Variants in MAP2K6 observed in about 807,000 individuals in gnomAD.
MAP2K6 encodes the protein mitogen-activated protein kinase kinase 6.
Under a neutral mutation model 53.7 loss-of-function variants are expected in MAP2K6, and 16 were observed. That is an observed-to-expected ratio of 0.30 (90% CI 0.20 to 0.45). MAP2K6 has a LOEUF of 0.45. Ranked by LOEUF, MAP2K6 falls within the 20% of genes least tolerant of loss-of-function variation. MAP2K6 has a pLI of 1.00. For synonymous variants in MAP2K6, 132 were observed against 143.1 expected (o/e 0.92, Z 0.55); for missense variants, 204 against 411.9 (o/e 0.50, Z 4.37).
chr17:69,502,486 CAG>C lies in MAP2K6; in HGVS notation c.17-3291_17-3290del, dbSNP rs544444581. The stretch of plus-strand genomic sequence containing the variant: ...ATTTTATTTGATGTAAACGTGAAGG[CAG>C]AGTATTTTCTAACACTGTAATTCAA... On this transcript the variant is annotated intron_variant, in intron 1 of 11. Transcript: ENST00000590474. The C allele has an allele frequency of 5.8e-4, 569 of 985,370 alleles. 4 individuals are homozygous for C. The African/African-American group carries it at 9.3e-3, about 16-fold the overall frequency. The allele number at this position is 985,370 out of a possible 1,614,324, so 61.0% of individuals were successfully genotyped here. A position where few individuals can be genotyped will look rare whatever the true frequency, so the allele number is the denominator to read the frequency against.
chr17:69,449,289 A>G (rs1907087196), intron 1 of MAP2K6, among the ~76,000 whole-genome samples: 1 of 151,886 alleles, frequency 6.6e-6, no homozygotes, highest in African/African-American at 2.4e-5. Context: ...TACATATAAT[A>G]TATAGTACAT....
chr17:69,473,470 T>C (rs2145183368), intron 1 of MAP2K6, among the ~76,000 whole-genome samples: 1 of 152,332 alleles, frequency 6.6e-6, no homozygotes. Flanking sequence ...TAATAGCAGT[T>C]TTGCCTGGGT....
At chr17:69,519,283 A>T (rs745318358) in intron 4 of MAP2K6, 30 bp from the exon 5 acceptor site, 2 of 1,608,642 alleles carry the variant, frequency 1.2e-6, no homozygotes, top group South Asian at 2.2e-5. Context: ...CAGAGTAGTA[A>T]CCATAAATTT....
At chr17:69,422,974 C>T (rs543530105) in intron 1 of MAP2K6, among the ~76,000 whole-genome samples, 1 of 152,172 alleles carries the variant, frequency 6.6e-6, no homozygotes, top group Non-Finnish European at 1.5e-5. Context: ...ATCGCCACCT[C>T]CTGGGTTCAA....
At chr17:69,470,911 C>G (rs933360827) in intron 1 of MAP2K6, among the ~76,000 whole-genome samples, 1 of 152,160 alleles carries the variant, frequency 6.6e-6, no homozygotes, top group Non-Finnish European at 1.5e-5. Context: ...TCCCAATGCA[C>G]ACTCCTTTTC....
intron 1 of MAP2K6, chr17:69,502,179 T>G: frequency 1.0e-6 from 1 of 985,480 alleles, no homozygotes; most frequent in Non-Finnish European, 1.2e-6. Flanking sequence ...CCTTCTCCCT[T>G]CCTGAAGCTG....
chr17:69,475,318 G>A (rs1199233112), intron 1 of MAP2K6, among the ~76,000 whole-genome samples: 3 of 149,720 alleles, frequency 2.0e-5, no homozygotes, highest in African/African-American at 4.9e-5. Context: ...ACAGGCGCCC[G>A]CCAACACGCC....
intron 2 of MAP2K6, among the ~76,000 whole-genome samples, chr17:69,512,703 AT>A (rs1909920467): frequency 6.6e-6 from 1 of 152,178 alleles, no homozygotes; most frequent in Non-Finnish European, 1.5e-5. Flanking sequence ...ATGAGGTATT[AT>A]ACCTTGATTT....
intron 1 of MAP2K6, among the ~76,000 whole-genome samples, chr17:69,428,308 G>A (rs1906338500): frequency 6.6e-6 from 1 of 152,218 alleles, no homozygotes; most frequent in Non-Finnish European, 1.5e-5. Flanking sequence ...AATCTGTTTT[G>A]TGCTTCTTCC....
In MAP2K6 at chr17:69,550,797, G is replaced by C. The variant is rs1406311321; in HGVS notation, c.*9044G>C. ...CTTCTAGTATTGTTCCTTTTAACTG[G>C]AAGTCTCTGTGGCCATTAAAAACTT... On this transcript the variant is annotated 3_prime_UTR_variant, in exon 12 of 12. Transcript: ENST00000590474. 6.6e-6 allele frequency: 1 copy of C among 152,132 alleles called. No individual in the cohort carries two copies. The highest frequency in any genetic ancestry group is 1.9e-4 in the East Asian group (1 of 5,192). The allele number at this position is 152,132 out of a possible 1,614,324, so 9.4% of individuals were successfully genotyped here.
At chr17:69,459,709 CAAAAAAAAA>C (rs71144694) in intron 1 of MAP2K6, among the ~76,000 whole-genome samples, 1 of 55,920 alleles carries the variant, frequency 1.8e-5, no homozygotes, top group Non-Finnish European at 2.9e-5. Context: ...GACTCTGTCT[CAAAAAAAAA>C]AAAAAAAAAA....
In MAP2K6 at chr17:69,504,936, G is replaced by T. The variant is rs563249369; in HGVS notation, c.17-844G>T. On this transcript the variant is annotated intron_variant, in intron 1 of 11. Coordinates refer to ENST00000590474, the MANE Select transcript of MAP2K6 (RefSeq NM_002758.4). ...CTCTTAAGTTTTTCAAATTACAGCA[G>T]GTGGTTGGGAAAAGGGGAGGGCAGA... is the stretch of plus-strand genomic sequence containing the variant. 5.0e-4 allele frequency among the ~76,000 whole-genome samples: 76 copies of T among 152,230 alleles called. 1 individual carries two copies. Among genetic ancestry groups the T allele is most frequent in the African/African-American group, 1.8e-3 (75 of 41,540 alleles).
intron 1 of MAP2K6, chr17:69,502,045 A>T: frequency 2.1e-6 from 1 of 475,528 alleles, no homozygotes; most frequent in Non-Finnish European, 2.7e-6. Context: ...TCTTTCTTTT[A>T]AGAAATCAAA....
chr17:69,416,733 T>G (rs1194006060), intron 1 of MAP2K6, among the ~76,000 whole-genome samples: 1 of 152,152 alleles, frequency 6.6e-6, no homozygotes, highest in Non-Finnish European at 1.5e-5. Context: ...TACAAGATAA[T>G]AGGACAGGTA....
intron 1 of MAP2K6, among the ~76,000 whole-genome samples, chr17:69,423,911 C>T (rs1462182049): frequency 5.3e-5 from 8 of 152,162 alleles, no homozygotes; most frequent in African/African-American, 1.7e-4. Flanking sequence ...CATCACTTTT[C>T]ATGGCAAAAA....
At position 69,548,395 on chromosome 17, in the gene MAP2K6, A is replaced by G. The variant is rs1186738048; in HGVS notation, c.*6642A>G. On this transcript the variant is annotated 3_prime_UTR_variant, in exon 12 of 12. Transcript: ENST00000590474. ...CACCCTCTTTGCCATACAGAATGCT[A>G]TAAAAAGGACAGTCTGCCAGTGACC... 1 of 152,088 alleles carries G rather than the reference A, an allele frequency of 6.6e-6. No homozygotes were observed. The highest frequency in any genetic ancestry group is 1.5e-5 in the Non-Finnish European group (1 of 68,014). The allele number at this position is 152,088 out of a possible 1,614,324, so 9.4% of individuals were successfully genotyped here. A position where few individuals can be genotyped will look rare whatever the true frequency, so the allele number is the denominator to read the frequency against.
At chr17:69,523,059 T>G (rs1910564804) in intron 7 of MAP2K6, among the ~76,000 whole-genome samples, 2 of 152,134 alleles carry the variant, frequency 1.3e-5, no homozygotes, top group African/African-American at 4.8e-5. Context: ...GACCTTATCT[T>G]GAAGAAAAAA....
At chr17:69,472,338 G>T (rs1908008036) in intron 1 of MAP2K6, among the ~76,000 whole-genome samples, 1 of 152,190 alleles carries the variant, frequency 6.6e-6, no homozygotes, top group African/African-American at 2.4e-5. Flanking sequence ...AGCAAGATTT[G>T]TAGTGCAGTA....
intron 10 of MAP2K6, among the ~76,000 whole-genome samples, chr17:69,527,634 G>A (rs894668952): frequency 2.0e-5 from 3 of 152,178 alleles, no homozygotes; most frequent in African/African-American, 7.2e-5. Flanking sequence ...TTGGCCATCC[G>A]GGAGAAGTAG....
Sources: allele counts gnomAD v4.1 joint callset (sites outside exome capture counted in the v4.1 genomes callset), GRCh38; gene constraint gnomAD v4.1.1; transcripts MANE v1.5; gene names NCBI Gene and HGNC (gene_info 2026-07-23, HGNC 2026-07-21).